USP15: variants seen among roughly 807,000 people sequenced by gnomAD.
USP15 encodes the protein ubiquitin carboxyl-terminal hydrolase 15.
Under a neutral mutation model 127.1 loss-of-function variants are expected in USP15, and 18 were observed. That is an observed-to-expected ratio of 0.14 (90% CI 0.10 to 0.21). The LOEUF is 0.21. USP15 is among the 10% of genes least tolerant of loss of function. The pLI, the probability that USP15 is intolerant of heterozygous loss-of-function variation, is 1.00. For missense variants in USP15, 805 were observed against 1,159.9 expected (o/e 0.69, Z 4.44); for synonymous variants, 364 against 393.7 (o/e 0.92, Z 0.89).
At position 62,410,108 on chromosome 12, in the gene USP15, T is replaced by A. The variant is rs2068002548; in HGVS notation, c.*5733T>A. On this transcript the variant is annotated 3_prime_UTR_variant, in exon 22 of 22. Transcript: ENST00000280377. ...TTTCTATTAAATACAGCATTTAATC[T>A]TCTTTCAAGTGAGAACCATCTTTCC... 1.3e-5 allele frequency: 2 copies of A among 152,158 alleles called. No individual in the cohort carries two copies. The highest frequency in any genetic ancestry group is 2.9e-5 in the Non-Finnish European group (2 of 68,008). The allele number at this position is 152,158 out of a possible 1,614,324, so 9.4% of individuals were successfully genotyped here. A position where few individuals can be genotyped will look rare whatever the true frequency, so the allele number is the denominator to read the frequency against.
chr12:62,376,797 T>C (rs1183828291), intron 8 of USP15, among the ~76,000 whole-genome samples: 1 of 152,094 alleles, frequency 6.6e-6, no homozygotes, highest in Non-Finnish European at 1.5e-5. Context: ...ACAACACATA[T>C]CCGATTTTTA....
intron 6 of USP15, chr12:62,327,860 T>C (rs564432248): frequency 3.7e-5 from 9 of 246,404 alleles, no homozygotes; most frequent in Admixed American, 2.1e-4. Flanking sequence ...GGATGCCATA[T>C]ACTAAAGCAT....
chr12:62,392,031 A>C (rs1223883963), intron 17 of USP15, 145 bp downstream of exon 17: 7 of 920,614 alleles, frequency 7.6e-6, no homozygotes, highest in Non-Finnish European at 9.6e-6. Context: ...AACTAGAAAA[A>C]AAAGTCTTTG....
chr12:62,368,174 CTGTT>C (rs1362835018), intron 8 of USP15, among the ~76,000 whole-genome samples: 2 of 152,086 alleles, frequency 1.3e-5, no homozygotes, highest in South Asian at 2.1e-4. Context: ...GTCTGAGAGA[CTGTT>C]TGTTATGATT....
chr12:62,394,474 T>TG (rs1246172918), intron 19 of USP15, among the ~76,000 whole-genome samples: 1 of 152,112 alleles, frequency 6.6e-6, no homozygotes, highest in African/African-American at 2.4e-5. Context: ...AATTATTGAG[T>TG]GAAAAAAAGA....
At chr12:62,314,450 T>A (rs1004367493) in intron 3 of USP15, among the ~76,000 whole-genome samples, 1 of 151,932 alleles carries the variant, frequency 6.6e-6, no homozygotes, top group Admixed American at 6.6e-5. Context: ...TTGCACATAG[T>A]CATTTTGGGT....
chr12:62,377,980 G>A (rs1372325122), intron 8 of USP15, among the ~76,000 whole-genome samples: 1 of 152,054 alleles, frequency 6.6e-6, no homozygotes, highest in Non-Finnish European at 1.5e-5. Context: ...GCCAAGGCGG[G>A]CAGATCACCT....
At chr12:62,326,376 G>A (rs1265089640) in intron 6 of USP15, among the ~76,000 whole-genome samples, 1 of 151,632 alleles carries the variant, frequency 6.6e-6, no homozygotes, top group African/African-American at 2.4e-5. Flanking sequence ...TATTTTTGAG[G>A]GTAAATGAAA....
At chr12:62,346,397 C>G (rs1225379030) in intron 6 of USP15, among the ~76,000 whole-genome samples, 1 of 152,036 alleles carries the variant, frequency 6.6e-6, no homozygotes, top group Non-Finnish European at 1.5e-5. Flanking sequence ...CTATCAGTGC[C>G]AATATCCACT....
At chr12:62,334,757 A>C (rs1000714601) in intron 6 of USP15, among the ~76,000 whole-genome samples, 32 of 152,254 alleles carry the variant, frequency 2.1e-4, no homozygotes, top group African/African-American at 7.7e-4. Flanking sequence ...TCTTTAAATA[A>C]CTGTTTTGCT....
At chr12:62,322,068 C>G (rs1014429348) in intron 5 of USP15, among the ~76,000 whole-genome samples, 46 of 152,278 alleles carry the variant, frequency 3.0e-4, no homozygotes, top group African/African-American at 1.1e-3. Flanking sequence ...AAATGTGCAG[C>G]AGGCTAAGTG....
In USP15 at chr12:62,414,145, A is replaced by C. The variant is rs1005802840; in HGVS notation, c.*9770A>C. ...CACAGATCACCGTAACAGATACAAT[A>C]ATAATGAAGACATTTGAAATGTGAG... On this transcript the variant is annotated 3_prime_UTR_variant, in exon 22 of 22. Coordinates refer to ENST00000280377, the MANE Select transcript of USP15 (RefSeq NM_001252078.2). 1 of 152,254 alleles carries C rather than the reference A, an allele frequency of 6.6e-6. No homozygotes were observed. Among genetic ancestry groups the C allele is most frequent in the African/African-American group, 2.4e-5 (1 of 41,468 alleles). 9.4% of individuals were successfully genotyped at this position (152,254 alleles called of 1,614,324 possible). A position where few individuals can be genotyped will look rare whatever the true frequency, so the allele number is the denominator to read the frequency against.
At chr12:62,401,062 A>C (rs575907520) in intron 20 of USP15, 125 bp from the exon 21 acceptor site, 1 of 507,070 alleles carries the variant, frequency 2.0e-6, no homozygotes, top group African/African-American at 2.0e-5. Flanking sequence ...AATATGTAAT[A>C]AATAAGCCTC....
At chr12:62,342,416 ATCAGTC>A (rs1565871139) in intron 6 of USP15, among the ~76,000 whole-genome samples, 2 of 152,014 alleles carry the variant, frequency 1.3e-5, no homozygotes, top group Non-Finnish European at 2.9e-5. Context: ...TTGTTAATTC[ATCAGTC>A]TCAGTCTCCA....
At chr12:62,282,968 A>C (rs898043290) in intron 1 of USP15, among the ~76,000 whole-genome samples, 1 of 152,182 alleles carries the variant, frequency 6.6e-6, no homozygotes, top group Admixed American at 6.5e-5. Flanking sequence ...TATTAATGTT[A>C]TCTCAAGTCC....
intron 2 of USP15, 56 bp from the exon 3 acceptor site, chr12:62,302,724 TTAATTTGTAA>T: frequency 6.7e-7 from 1 of 1,490,574 alleles, no homozygotes; most frequent in Non-Finnish European, 9.1e-7. Context: ...CTTCATGAGT[TTAATTTGTAA>T]TGTGTCCAAA....
rs563790583 is a variant in USP15, at chr12:62,278,746, G to A, written c.90-15433G>A. On this transcript the variant is annotated intron_variant, in intron 1 of 21. Coordinates refer to ENST00000280377, the MANE Select transcript of USP15 (RefSeq NM_001252078.2). ...AAAAAATCCATTTAATATGCCTAAC[G>A]TACCATACAATATAGGTTAGACTAG... 4.6e-5 allele frequency: 7 copies of A among 152,170 alleles called. No homozygotes were observed. The South Asian group carries it at 8.3e-4, about 18-fold the overall frequency. The allele number at this position is 152,170 out of a possible 1,614,324, so 9.4% of individuals were successfully genotyped here. A position where few individuals can be genotyped will look rare whatever the true frequency, so the allele number is the denominator to read the frequency against.
intron 1 of USP15, among the ~76,000 whole-genome samples, chr12:62,289,371 A>G (rs948171160): frequency 6.6e-6 from 1 of 151,952 alleles, no homozygotes; most frequent in Non-Finnish European, 1.5e-5. Flanking sequence ...CACTTCCTCT[A>G]GGTTTTCTAG....
intron 8 of USP15, among the ~76,000 whole-genome samples, chr12:62,360,165 A>G (rs2066269819): frequency 6.6e-6 from 1 of 152,104 alleles, no homozygotes; most frequent in Non-Finnish European, 1.5e-5. Flanking sequence ...GGAAAGCAGC[A>G]TGGCATAAGA....
Sources: allele counts gnomAD v4.1 joint callset (sites outside exome capture counted in the v4.1 genomes callset), GRCh38; gene constraint gnomAD v4.1.1; transcripts MANE v1.5; gene names NCBI Gene and HGNC (gene_info 2026-07-23, HGNC 2026-07-21).